The following WNK1 variants were observed in gnomAD, a reference collection of about 807,000 sequenced individuals.
The protein encoded by WNK1 is serine/threonine-protein kinase WNK1.
Under a neutral mutation model 222.8 loss-of-function variants are expected in WNK1, and 38 were observed. The ratio of observed to expected loss-of-function variants is 0.17; its 90% CI spans 0.13 to 0.22. The LOEUF is 0.22. Ranked by LOEUF, WNK1 falls within the 10% of genes least tolerant of loss-of-function variation. The pLI, the probability that WNK1 is intolerant of heterozygous loss-of-function variation, is 1.00. For synonymous variants in WNK1, 1,090 were observed against 1,092.9 expected, an observed-to-expected ratio of 1.00 and a Z score of 0.05; for missense variants, 2,348 against 2,918.4, an observed-to-expected ratio of 0.80 and a Z score of 4.50.
At chr12:838,479 A>G (rs11064564) in intron 4 of WNK1, among the ~76,000 whole-genome samples, 18,573 of 152,016 alleles carry the variant, frequency 0.12, 1,468 homozygotes, top group Middle Eastern at 0.19. Context: ...CAGTGGCACA[A>G]TCTCGGCTCA....
At chr12:759,256 C>T (rs1843625023) in intron 1 of WNK1, among the ~76,000 whole-genome samples, 1 of 146,964 alleles carries the variant, frequency 6.8e-6, no homozygotes, top group Non-Finnish European at 1.5e-5. Context: ...GTTAGTACAC[C>T]TTTGCTATAC....
chr12:831,260 G>A (rs184600481), intron 4 of WNK1, among the ~76,000 whole-genome samples: 65 of 152,176 alleles, frequency 4.3e-4, no homozygotes, highest in African/African-American at 9.4e-4. Context: ...TTGTAGGGCC[G>A]GGCGTGGTGG....
intron 1 of WNK1, among the ~76,000 whole-genome samples, chr12:788,044 A>G (rs960673449): frequency 1.3e-5 from 2 of 152,156 alleles, no homozygotes; most frequent in African/African-American, 4.8e-5. Context: ...ACAGGAGCTG[A>G]TGCTGCACCT....
chr12:759,716 C>T (rs896944237), intron 1 of WNK1, among the ~76,000 whole-genome samples: 6 of 147,756 alleles, frequency 4.1e-5, no homozygotes, highest in African/African-American at 1.5e-4. Flanking sequence ...ATTTTTCTGC[C>T]TTGTAACATA....
At position 896,311 on chromosome 12, in the gene WNK1, A is replaced by C. The variant is rs375862817; in HGVS notation, c.5824A>C (p.Lys1942Gln). The part of the protein sequence containing the change: ...EAKSDTGQPT[K>Q]VGRFQVTTTA... ...AAAGTCAGACACTGGGCAGCCTACCAAGGTTGGACGTTTTCAGGTGACAAC... is the reference window on the plus strand; with the variant it reads ...AAAGTCAGACACTGGGCAGCCTACCCAGGTTGGACGTTTTCAGGTGACAAC... Residue 1942 changes from lysine (K) to glutamine (Q), a missense_variant, in exon 24 of 28, where the codon AAG (lysine) becomes CAG (glutamine). By Grantham distance (53) the Lys-to-Gln change is moderately conservative. This residue lies in a region of WNK1 where 1,144 missense variants were observed against 1,273.6 expected (regional missense o/e 0.90). Coordinates refer to ENST00000315939, the MANE Select transcript of WNK1 (RefSeq NM_018979.4). 6 of 1,614,072 alleles carry C rather than the reference A, an allele frequency of 3.7e-6. No individual in the cohort carries two copies. The highest frequency in any genetic ancestry group is 5.1e-6 in the Non-Finnish European group (6 of 1,180,048).
At chr12:887,679 A>G (rs1953802196) in intron 20 of WNK1, among the ~76,000 whole-genome samples, 2 of 152,214 alleles carry the variant, frequency 1.3e-5, no homozygotes, top group Admixed American at 6.5e-5. Context: ...AGAAAGGAGA[A>G]GCACAATATG....
In WNK1 at chr12:897,511, G is replaced by A. The variant is rs200315094; in HGVS notation, c.6278G>A (p.Arg2093His). Residue 2093 changes from arginine (R) to histidine (H), a missense_variant, in exon 25 of 28, where the codon CGC becomes CAC. This residue lies in a region of WNK1 where 1,144 missense variants were observed against 1,273.6 expected (regional missense o/e 0.90). Coordinates refer to ENST00000315939, the MANE Select transcript of WNK1 (RefSeq NM_018979.4). ...HLKEIQDLQS[R>H]QKHEIESLYT... is the part of the protein sequence containing the mutation. ...AAAGAGATTCAGGACCTGCAGAGTC[G>A]CCAGAAGCATGAAATTGAATCTTTG... is the stretch of plus-strand genomic sequence containing the variant. The A allele has an allele frequency of 3.7e-5, 59 of 1,611,478 alleles. No homozygotes were observed. Among genetic ancestry groups the A allele is most frequent in the Middle Eastern group, 1.6e-4 (1 of 6,076 alleles).
At chr12:777,886 A>AT (rs149707474) in intron 1 of WNK1, among the ~76,000 whole-genome samples, 1 of 152,344 alleles carries the variant, frequency 6.6e-6, no homozygotes, top group East Asian at 1.9e-4. Context: ...GATATGGTAG[A>AT]TTCGTCATAT....
chr12:861,962 CTG>C lies in WNK1; in HGVS notation c.1952-118_1952-117del, dbSNP rs552892544. On this transcript the variant is annotated intron_variant, in intron 7 of 27. Transcript: ENST00000315939. The stretch of plus-strand genomic sequence containing the variant: ...AATTCATTTTTTATTTAGTTCAAAT[CTG>C]TGCAAGGAATAACTAGTTACCCCTA... 443 of 1,090,906 alleles carry C rather than the reference CTG, an allele frequency of 4.1e-4. 3 individuals are homozygous for C. The African/African-American group carries it at 5.7e-3, about 14-fold the overall frequency. The allele number at this position is 1,090,906 out of a possible 1,614,324, so 67.6% of individuals were successfully genotyped here.
Position 752,887 on chromosome 12 carries a change from G to A in WNK1, c.-679G>A, listed in dbSNP as rs1001467964. 3.9e-5 allele frequency: 6 copies of A among 152,198 alleles called. No individual in the cohort carries two copies. Among genetic ancestry groups the A allele is most frequent in the Admixed American group, 6.5e-5 (1 of 15,282 alleles). The allele number at this position is 152,198 out of a possible 1,614,324, so 9.4% of individuals were successfully genotyped here. Reference sequence around the variant, plus strand: ...GCGGGCGGGGAGGCCTCGGGGAAGGGGGGGCCCGCTCCTCAGGCGCCGAGG... The same window carrying A: ...GCGGGCGGGGAGGCCTCGGGGAAGGAGGGGCCCGCTCCTCAGGCGCCGAGG... On this transcript the variant is annotated 5_prime_UTR_variant, in exon 1 of 28. Coordinates refer to ENST00000315939, the MANE Select transcript of WNK1 (RefSeq NM_018979.4).
chr12:882,183 A>G lies in WNK1; in HGVS notation c.3372+110A>G, dbSNP rs1014992749. 3.9e-6 allele frequency: 5 copies of G among 1,278,584 alleles called. No individual in the cohort carries two copies. In the African/African-American group the frequency reaches 4.5e-5, roughly 12 times the overall value. The allele number at this position is 1,278,584 out of a possible 1,614,324, so 79.2% of individuals were successfully genotyped here. ...CTCACTTCATAAAATAAAGATAACT[A>G]TCTGTGTGTGACAGATAATTTTTTT... is the stretch of plus-strand genomic sequence containing the variant. On this transcript the variant is annotated intron_variant, in intron 14 of 27. Coordinates refer to ENST00000315939, the MANE Select transcript of WNK1 (RefSeq NM_018979.4).
Position 837,933 on chromosome 12 carries a change from A to G in WNK1, c.1311+7773A>G, listed in dbSNP as rs371231020. Among the ~76,000 whole-genome samples the G allele has an allele frequency of 2.6e-5, 4 of 152,128 alleles. No homozygotes were observed. In the South Asian group the frequency reaches 6.2e-4, roughly 24 times the overall value. ...TGTTTATGTCACTATAGGTTTTTCT[A>G]TTCTGGACATTTCATCTAAATAGAG... On this transcript the variant is annotated intron_variant, in intron 4 of 27. Coordinates refer to ENST00000315939, the MANE Select transcript of WNK1 (RefSeq NM_018979.4).
chr12:811,669 T>G (rs1022154581), intron 1 of WNK1, among the ~76,000 whole-genome samples: 1 of 152,142 alleles, frequency 6.6e-6, no homozygotes, highest in African/African-American at 2.4e-5. Flanking sequence ...GCTAAAATTA[T>G]GTACTTCTCT....
At chr12:906,253 A>G (rs1445373203) in intron 26 of WNK1, 14 of 956,388 alleles carry the variant, frequency 1.5e-5, no homozygotes, top group African/African-American at 1.8e-5. Flanking sequence ...GGTAAGGAAA[A>G]CAGACAAGAC....
At chr12:757,903 C>A (rs749480444) in intron 1 of WNK1, among the ~76,000 whole-genome samples, 1 of 145,452 alleles carries the variant, frequency 6.9e-6, no homozygotes, top group East Asian at 2.0e-4. Flanking sequence ...GGGCGTGGTC[C>A]GCACGCCTGT....
chr12:780,261 G>T (rs1943562046), intron 1 of WNK1, among the ~76,000 whole-genome samples: 1 of 152,116 alleles, frequency 6.6e-6, no homozygotes. Flanking sequence ...GAGTATTTTG[G>T]ATATACTTCA....
At chr12:759,185 G>A (rs1940650651) in intron 1 of WNK1, among the ~76,000 whole-genome samples, 1 of 146,992 alleles carries the variant, frequency 6.8e-6, no homozygotes, top group African/African-American at 2.4e-5. Flanking sequence ...AGCAAGAGTA[G>A]CTGTACTCAA....
intron 1 of WNK1, among the ~76,000 whole-genome samples, chr12:778,407 A>G (rs1232149994): frequency 6.6e-6 from 1 of 151,474 alleles, no homozygotes; most frequent in Admixed American, 6.6e-5. Flanking sequence ...ATCTTGGCTC[A>G]CTGCAACCTC....
intron 2 of WNK1, among the ~76,000 whole-genome samples, chr12:823,885 A>C (rs1948115846): frequency 7.0e-6 from 1 of 143,596 alleles, no homozygotes. Flanking sequence ...GAAGTGCTTG[A>C]TATATCAGAG....
Sources: gnomAD v4.1 joint callset for allele counts (sites outside exome capture counted in the v4.1 genomes callset) on GRCh38, gnomAD v4.1.1 for gene constraint, gnomAD v4.1.1 regional missense constraint, MANE v1.5 for transcripts, NCBI Gene and HGNC (gene_info 2026-07-23, HGNC 2026-07-21) for gene names.